The following ZFAND4 variants were observed in gnomAD, a reference collection of about 807,000 sequenced individuals.
The protein encoded by ZFAND4 is AN1-type zinc finger protein 4.
ZFAND4 carries 43 observed loss-of-function variants against 64.4 expected under a neutral mutation model. That is an observed-to-expected ratio of 0.67 (90% CI 0.52 to 0.86). The LOEUF is 0.86. ZFAND4 is among the 40% of genes least tolerant of loss of function. The probability of loss-of-function intolerance (pLI) is 0.00; values close to 1 mark genes in which losing one functional copy is unlikely to be tolerated. For missense variants in ZFAND4, 929 were observed against 859.8 expected (o/e 1.08, Z -1.01); for synonymous variants, 296 against 305.7 (o/e 0.97, Z 0.33).
intron 6 of ZFAND4, among the ~76,000 whole-genome samples, chr10:45,630,950 G>A (rs2046166074): frequency 6.8e-6 from 1 of 146,966 alleles, no homozygotes; most frequent in Non-Finnish European, 1.5e-5. Context: ...GACACTGCAA[G>A]ACCCTGTCTT....
intron 5 of ZFAND4, among the ~76,000 whole-genome samples, chr10:45,647,367 C>T (rs1392613658): frequency 6.6e-6 from 1 of 151,324 alleles, no homozygotes; most frequent in African/African-American, 2.4e-5. Context: ...ACTTGGAGCA[C>T]AGCAATGCTG....
At chr10:45,661,833 G>C (rs111297916) in intron 2 of ZFAND4, among the ~76,000 whole-genome samples, 8,871 of 151,956 alleles carry the variant, frequency 0.058, 371 homozygotes, top group African/African-American at 0.12. Context: ...CCAGCTACTC[G>C]GGAGGCTGAG....
At chr10:45,634,766 C>A (rs2133645060) in intron 6 of ZFAND4, among the ~76,000 whole-genome samples, 1 of 151,942 alleles carries the variant, frequency 6.6e-6, no homozygotes, top group East Asian at 1.9e-4. Flanking sequence ...AACAGAAAGA[C>A]TGCACCAAAA....
chr10:45,639,005 A>T (rs1316095709), intron 6 of ZFAND4, among the ~76,000 whole-genome samples: 1 of 152,206 alleles, frequency 6.6e-6, no homozygotes, highest in Admixed American at 6.5e-5. Flanking sequence ...GTCCTATTTT[A>T]ATTTGGGTTG....
intron 1 of ZFAND4, among the ~76,000 whole-genome samples, chr10:45,666,731 G>A (rs760328319): frequency 2.4e-4 from 37 of 152,142 alleles, no homozygotes; most frequent in Non-Finnish European, 5.0e-4. Context: ...TTTTGCATGT[G>A]GATAACCAGT....
At chr10:45,633,916 G>A (rs1056457026) in intron 6 of ZFAND4, among the ~76,000 whole-genome samples, 3 of 148,148 alleles carry the variant, frequency 2.0e-5, no homozygotes, top group Non-Finnish European at 4.4e-5. Context: ...ACATTACAAC[G>A]AAATGCAATG....
intron 2 of ZFAND4, among the ~76,000 whole-genome samples, chr10:45,658,643 G>A (rs940761026): frequency 7.2e-5 from 11 of 152,088 alleles, no homozygotes; most frequent in East Asian, 3.8e-4. Flanking sequence ...CTGTCTAATC[G>A]TATATATTGC....
chr10:45,667,471 T>C (rs1393268419), intron 1 of ZFAND4, among the ~76,000 whole-genome samples: 1 of 146,742 alleles, frequency 6.8e-6, no homozygotes, highest in African/African-American at 2.5e-5. Flanking sequence ...TTTTTTTTTT[T>C]TTTTTTTTTT....
chr10:45,650,098 A>ATTTT (rs370179421), intron 4 of ZFAND4: 1 of 151,692 alleles, frequency 6.6e-6, no homozygotes, highest in African/African-American at 2.4e-5. Context: ...TTCAAAAACA[A>ATTTT]TTTTTTTTTA....
intron 2 of ZFAND4, among the ~76,000 whole-genome samples, chr10:45,658,623 AT>A (rs1052301714): frequency 1.2e-4 from 18 of 152,240 alleles, no homozygotes; most frequent in African/African-American, 3.4e-4. Flanking sequence ...ACTAAAAAAA[AT>A]GATCGAAGCT....
chr10:45,649,971 T>C (rs1486770843), intron 4 of ZFAND4, among the ~76,000 whole-genome samples: 1 of 151,876 alleles, frequency 6.6e-6, no homozygotes, highest in Non-Finnish European at 1.5e-5. Context: ...AACAGAAAAA[T>C]CTTTCAGATT....
intron 6 of ZFAND4, among the ~76,000 whole-genome samples, chr10:45,634,474 A>G (rs2046420244): frequency 6.6e-6 from 1 of 151,566 alleles, no homozygotes; most frequent in Admixed American, 6.6e-5. Context: ...GGTTGCAGTG[A>G]GCCGAGACCA....
chr10:45,641,062 G>A (rs2046966833), intron 5 of ZFAND4, among the ~76,000 whole-genome samples: 1 of 151,944 alleles, frequency 6.6e-6, no homozygotes, highest in Admixed American at 6.6e-5. Flanking sequence ...TGTTTGTTTT[G>A]CCCCTTATTC....
intron 1 of ZFAND4, among the ~76,000 whole-genome samples, chr10:45,671,024 T>C (rs1415034676): frequency 4.6e-5 from 7 of 152,214 alleles, no homozygotes; most frequent in Admixed American, 1.3e-4. Context: ...GCAAAGGATA[T>C]GAACAGACAG....
chr10:45,665,210 A>G (rs959947245), intron 1 of ZFAND4, among the ~76,000 whole-genome samples: 2 of 152,166 alleles, frequency 1.3e-5, no homozygotes, highest in Non-Finnish European at 2.9e-5. Context: ...AATGATACAC[A>G]TCTTTCTGGT....
intron 5 of ZFAND4, among the ~76,000 whole-genome samples, chr10:45,642,813 A>C (rs946912607): frequency 6.6e-6 from 1 of 151,724 alleles, no homozygotes; most frequent in African/African-American, 2.4e-5. Context: ...CTAATTTATA[A>C]ATTTAATCCG....
rs757783062 is a variant in ZFAND4 at position 45,618,165 on chromosome 10, C to T, written c.2023G>A (p.Gly675Arg). 9 of 1,613,318 alleles carry T rather than the reference C, an allele frequency of 5.6e-6. No individual in the cohort carries two copies. The East Asian group carries it at 6.7e-5, about 12-fold the overall frequency. The change falls in exon 9 of 10, where the codon GGA becomes AGA. Residue 675 changes from glycine to arginine, a missense_variant. Physicochemically the swap from Gly to Arg is moderately radical, Grantham distance 125. Coordinates refer to ENST00000344646, the MANE Select transcript of ZFAND4 (RefSeq NM_174890.4). ...CTGCATTCGTAGCTACTAGCCAGTC[C>T]TGTTTTCTTTCCACAAAGAAAACAA... is the stretch of plus-strand genomic sequence containing the variant. ...NHCFLCGKKT[G>R]LASSYECRCG...
At chr10:45,637,093 C>T (rs964213939) in intron 6 of ZFAND4, among the ~76,000 whole-genome samples, 3 of 151,354 alleles carry the variant, frequency 2.0e-5, no homozygotes, top group Non-Finnish European at 4.4e-5. Context: ...GTAATCCCAA[C>T]ACTTTGGGAG....
At chr10:45,618,397 C>T (rs948993207) in intron 8 of ZFAND4, 137 bp from the exon 9 acceptor site, 2 of 1,080,072 alleles carry the variant, frequency 1.9e-6, no homozygotes, top group Non-Finnish European at 2.6e-6. Context: ...ATTTTTATAT[C>T]TAAAATTACT....
Sources: gnomAD v4.1 joint callset for allele counts (sites outside exome capture counted in the v4.1 genomes callset) on GRCh38, gnomAD v4.1.1 for gene constraint, MANE v1.5 for transcripts, NCBI Gene and HGNC (gene_info 2026-07-23, HGNC 2026-07-21) for gene names.